Variants in FAM3D observed in about 807,000 individuals in gnomAD.
The protein encoded by FAM3D is protein FAM3D.
A neutral mutation model predicts 29.8 loss-of-function variants in FAM3D; 26 were observed. The ratio of observed to expected loss-of-function variants is 0.87; its 90% CI spans 0.64 to 1.21. The LOEUF (loss-of-function observed/expected upper bound fraction) is 1.21. Among genes scored for constraint, FAM3D ranks in the 50% most tolerant of loss-of-function variants. The pLI is 0.00. For missense variants in FAM3D, 253 were observed against 290.9 expected, an observed-to-expected ratio of 0.87 and a Z score of 0.95; for synonymous variants, 115 against 102.3, an observed-to-expected ratio of 1.12 and a Z score of -0.75.
intron 6 of FAM3D, among the ~76,000 whole-genome samples, chr3:58,640,998 T>C (rs1201351318): frequency 6.6e-6 from 1 of 151,576 alleles, no homozygotes; most frequent in African/African-American, 2.4e-5. Context: ...GCTGCTTTTG[T>C]GATCGCGTGC....
At chr3:58,640,347 G>A (rs1430233092) in intron 6 of FAM3D, among the ~76,000 whole-genome samples, 170 bp from the exon 7 acceptor site, 1 of 152,204 alleles carries the variant, frequency 6.6e-6, no homozygotes, top group African/African-American at 2.4e-5. Flanking sequence ...AGGAATGGCT[G>A]GGCTCATCTG....
chr3:58,663,817 G>T (rs2066978325), intron 1 of FAM3D, among the ~76,000 whole-genome samples: 1 of 152,146 alleles, frequency 6.6e-6, no homozygotes, highest in Non-Finnish European at 1.5e-5. Flanking sequence ...CTGGCTCCCA[G>T]CCTCTCCCCG....
At chr3:58,654,845 CA>C (rs2066746098) in intron 2 of FAM3D, among the ~76,000 whole-genome samples, 1 of 152,200 alleles carries the variant, frequency 6.6e-6, no homozygotes, top group Admixed American at 6.5e-5. Flanking sequence ...TCTAGGCACC[CA>C]GAATTCCTCT....
rs368529185 is a variant in FAM3D at position 58,636,510 on chromosome 3, C to G, written c.459-90G>C. The G allele has an allele frequency of 9.1e-6, 14 of 1,546,454 alleles. No homozygotes were observed. In the East Asian group the frequency reaches 2.0e-4, roughly 22 times the overall value. ...ATTCCCATGGGGCAAGGTTCCCACT[C>G]TTCTCCCCATTCAGCATCTGCCCTG... On this transcript the variant is annotated intron_variant, in intron 8 of 9. Transcript: ENST00000358781.
At chr3:58,644,031 G>C (rs2066409518) in intron 5 of FAM3D, among the ~76,000 whole-genome samples, 1 of 152,218 alleles carries the variant, frequency 6.6e-6, no homozygotes, top group African/African-American at 2.4e-5. Flanking sequence ...GCTGGAAGGA[G>C]GCAGGACCCA....
At chr3:58,650,872 C>T (rs1394899744) in intron 3 of FAM3D, among the ~76,000 whole-genome samples, 1 of 152,172 alleles carries the variant, frequency 6.6e-6, no homozygotes, top group Non-Finnish European at 1.5e-5. Flanking sequence ...CGCCCGCCAC[C>T]ACGCCCGGCT....
At chr3:58,662,083 T>G (rs1052236357) in intron 1 of FAM3D, among the ~76,000 whole-genome samples, 4 of 152,158 alleles carry the variant, frequency 2.6e-5, no homozygotes, top group African/African-American at 9.7e-5. Flanking sequence ...GCCCCAGAAT[T>G]TCTCTTTGCT....
intron 4 of FAM3D, 142 bp from the exon 5 acceptor site, chr3:58,645,768 C>T (rs2066461031): frequency 1.4e-6 from 1 of 725,956 alleles, no homozygotes; most frequent in Non-Finnish European, 2.4e-6. Context: ...TCGCTGATTG[C>T]AAAGTCTGGG....
At chr3:58,644,309 G>T (rs539309844) in intron 5 of FAM3D, among the ~76,000 whole-genome samples, 1 of 152,302 alleles carries the variant, frequency 6.6e-6, no homozygotes, top group East Asian at 1.9e-4. Context: ...TTGTGGGAGG[G>T]ACCCAGTGGG....
At chr3:58,652,692 A>G (rs2066674372) in intron 3 of FAM3D, among the ~76,000 whole-genome samples, 2 of 150,240 alleles carry the variant, frequency 1.3e-5, no homozygotes, top group Non-Finnish European at 2.9e-5. Context: ...TCACACATTC[A>G]CCCACTCACT....
At chr3:58,660,823 C>G (rs916751188) in intron 1 of FAM3D, among the ~76,000 whole-genome samples, 2 of 152,174 alleles carry the variant, frequency 1.3e-5, no homozygotes, top group Non-Finnish European at 2.9e-5. Context: ...CTTATTTTAA[C>G]TTGTTTAATC....
At chr3:58,643,975 G>A (rs575295311) in intron 5 of FAM3D, among the ~76,000 whole-genome samples, 47 of 152,324 alleles carry the variant, frequency 3.1e-4, no homozygotes, top group Admixed American at 7.2e-4. Flanking sequence ...GGCCTCTGAG[G>A]TGTTGGAGGT....
intron 1 of FAM3D, among the ~76,000 whole-genome samples, chr3:58,656,569 C>T (rs889685375): frequency 6.6e-6 from 1 of 152,150 alleles, no homozygotes; most frequent in African/African-American, 2.4e-5. Flanking sequence ...TTTGAAACCC[C>T]CAGAAGGTCT....
chr3:58,640,057 C>T, intron 7 of FAM3D, 70 bp downstream of exon 7: 1 of 1,554,592 alleles, frequency 6.4e-7, no homozygotes, highest in South Asian at 1.1e-5. Flanking sequence ...AGGTCCCTTG[C>T]CACATGAAGA....
In FAM3D at chr3:58,664,658, C is replaced by T. The variant is rs116397838; in HGVS notation, c.-39+1918G>A. On this transcript the variant is annotated intron_variant, in intron 1 of 9. Coordinates refer to ENST00000358781, the MANE Select transcript of FAM3D (RefSeq NM_138805.3). ...AAGATAGGCAACTTGCCTAAGGTCA[C>T]ATGGTTGGAAAAAGGGCAGAACTGG... 4.3e-3 allele frequency among the ~76,000 whole-genome samples: 652 copies of T among 152,350 alleles called. 2 individuals carry two copies. The highest frequency in any genetic ancestry group is 0.015 in the African/African-American group (618 of 41,582).
intron 1 of FAM3D, among the ~76,000 whole-genome samples, chr3:58,658,245 G>A (rs2066862319): frequency 6.6e-6 from 1 of 152,240 alleles, no homozygotes; most frequent in East Asian, 1.9e-4. Context: ...CATTGAGGAA[G>A]TGCTGGATGA....
rs751551923 is a variant in FAM3D at position 58,643,684 on chromosome 3, G to C, written c.300C>G (p.Gly100=). The part of the protein sequence containing the change: ...MSPVKNNVGR[G]LNIALVNGTT... Reference sequence around the variant, plus strand: ...CACCATTCACCAGGGCGATGTTTAGGCCTCTGCCCACATTGTTTTTCACAG... The same window carrying C: ...CACCATTCACCAGGGCGATGTTTAGCCCTCTGCCCACATTGTTTTTCACAG... The change falls in exon 6 of 10, where the codon GGC becomes GGG. Residue 100 remains glycine, a synonymous_variant. Transcript: ENST00000358781. 1.9e-6 allele frequency: 3 copies of C among 1,613,798 alleles called. No homozygotes were observed. The highest frequency in any genetic ancestry group is 1.7e-6 in the Non-Finnish European group (2 of 1,180,032).
chr3:58,652,940 C>T (rs9879301), intron 3 of FAM3D, among the ~76,000 whole-genome samples: 2 of 150,820 alleles, frequency 1.3e-5, no homozygotes, highest in Non-Finnish European at 3.0e-5. Context: ...TTCCAACTAC[C>T]CATCCATCCA....
intron 4 of FAM3D, among the ~76,000 whole-genome samples, chr3:58,648,148 G>A (rs895146013): frequency 1.3e-5 from 2 of 152,218 alleles, no homozygotes; most frequent in African/African-American, 4.8e-5. Flanking sequence ...ATGTCTAAGT[G>A]TTTGATAGCA....
Sources: gnomAD v4.1 joint callset for allele counts (sites outside exome capture counted in the v4.1 genomes callset) on GRCh38, gnomAD v4.1.1 for gene constraint, MANE v1.5 for transcripts, NCBI Gene and HGNC (gene_info 2026-07-23, HGNC 2026-07-21) for gene names.